The following NEK1 variants were observed in gnomAD, a reference collection of about 807,000 sequenced individuals.
The protein encoded by NEK1 is NIMA related kinase 1, also known as serine/threonine-protein kinase Nek1.
In NEK1, 137 loss-of-function variants were observed where a neutral mutation model predicts 182.1. The observed-to-expected ratio is 0.75, with a 90% CI of 0.65 to 0.87. The LOEUF is 0.87. NEK1 is among the 40% of genes least tolerant of loss of function. The pLI is 0.00. For missense variants in NEK1, 1,391 were observed against 1,494.4 expected, an observed-to-expected ratio of 0.93 and a Z score of 1.14; for synonymous variants, 513 against 492.2, an observed-to-expected ratio of 1.04 and a Z score of -0.56.
chr4:169,435,340 C>T (rs142240206), intron 28 of NEK1, among the ~76,000 whole-genome samples: 17 of 152,304 alleles, frequency 1.1e-4, no homozygotes, highest in African/African-American at 4.1e-4. Context: ...ACTCCACTTC[C>T]AATACCATTA....
intron 10 of NEK1, among the ~76,000 whole-genome samples, chr4:169,583,020 T>C (rs1344196977): frequency 6.6e-6 from 1 of 151,990 alleles, no homozygotes; most frequent in Non-Finnish European, 1.5e-5. Flanking sequence ...TCAACCACGG[T>C]TGATGGCCTT....
intron 23 of NEK1, among the ~76,000 whole-genome samples, chr4:169,499,417 C>T (rs1264386102): frequency 6.6e-6 from 1 of 152,242 alleles, no homozygotes; most frequent in Non-Finnish European, 1.5e-5. Context: ...AAGTCATTCT[C>T]TGTCCAGCTT....
chr4:169,562,119 A>T lies in NEK1; in HGVS notation c.1080+18T>A. The T allele has an allele frequency of 6.7e-7, 1 of 1,492,098 alleles. No homozygotes were observed. The highest frequency in any genetic ancestry group is 9.1e-7 in the Non-Finnish European group (1 of 1,102,124). 92.4% of individuals were successfully genotyped at this position (1,492,098 alleles called of 1,614,324 possible). ...ATGTTTGCAAAGCTTTAAAATAACC[A>T]GACAGATGTCTTTATACCTCAGATA... is the stretch of plus-strand genomic sequence containing the variant. On this transcript the variant is annotated intron_variant, in intron 13 of 35. Coordinates refer to ENST00000507142, the MANE Select transcript of NEK1 (RefSeq NM_001199397.3).
intron 18 of NEK1, among the ~76,000 whole-genome samples, chr4:169,539,149 T>C (rs1442470895): frequency 1.3e-5 from 2 of 152,144 alleles, no homozygotes; most frequent in African/African-American, 4.8e-5. Context: ...CTTAATCTAG[T>C]TTCACATCGC....
intron 33 of NEK1, 99 bp downstream of exon 33, chr4:169,401,553 A>T: frequency 1.1e-6 from 1 of 939,546 alleles, no homozygotes; most frequent in Non-Finnish European, 1.6e-6. Context: ...AGTTGTATTT[A>T]AAGTTGGAAA....
chr4:169,529,365 C>A lies in NEK1; in HGVS notation c.1665+8444G>T, dbSNP rs563013792. Among the ~76,000 whole-genome samples the A allele has an allele frequency of 2.6e-5, 4 of 152,142 alleles. No individual in the cohort carries two copies. In the East Asian group the frequency reaches 5.8e-4, roughly 22 times the overall value. On this transcript the variant is annotated intron_variant, in intron 19 of 35. Coordinates refer to ENST00000507142, the MANE Select transcript of NEK1 (RefSeq NM_001199397.3). ...TGTGAATGTACTTAATGCCACTGAA[C>A]TGTATACTTTAAAATGATTAAGGGA...
At chr4:169,536,996 A>T (rs1243574910) in intron 19 of NEK1, among the ~76,000 whole-genome samples, 2 of 152,222 alleles carry the variant, frequency 1.3e-5, no homozygotes, top group Non-Finnish European at 2.9e-5. Flanking sequence ...TACTATATTG[A>T]ACTACATTAA....
At chr4:169,511,173 G>C (rs1195956669) in intron 19 of NEK1, among the ~76,000 whole-genome samples, 1 of 152,072 alleles carries the variant, frequency 6.6e-6, no homozygotes, top group Non-Finnish European at 1.5e-5. Context: ...TACTGTAAGA[G>C]CATGCCCTAC....
At chr4:169,594,736 T>C (rs1338788585) in intron 5 of NEK1, among the ~76,000 whole-genome samples, 1 of 152,228 alleles carries the variant, frequency 6.6e-6, no homozygotes, top group African/African-American at 2.4e-5. Flanking sequence ...CTATACAACA[T>C]GCCTGGGAAG....
chr4:169,559,130 T>G (rs1762547915), intron 16 of NEK1, among the ~76,000 whole-genome samples: 1 of 152,200 alleles, frequency 6.6e-6, no homozygotes. Context: ...GTACACAGTA[T>G]GTAACTTGAA....
intron 29 of NEK1, among the ~76,000 whole-genome samples, chr4:169,428,796 A>G (rs888156605): frequency 3.3e-5 from 5 of 152,114 alleles, no homozygotes; most frequent in African/African-American, 1.2e-4. Flanking sequence ...CTTTCCTATT[A>G]TTAGTTTGGT....
intron 23 of NEK1, among the ~76,000 whole-genome samples, chr4:169,484,318 T>C (rs1748660543): frequency 6.6e-6 from 1 of 152,222 alleles, no homozygotes. Flanking sequence ...AGTGCTGGGA[T>C]TACAGGCGTG....
rs1737860339 is a variant in NEK1, at chr4:169,433,727, T to A, written c.2765-62A>T. The A allele has an allele frequency of 3.3e-6, 5 of 1,503,922 alleles. No individual in the cohort carries two copies. The South Asian group carries it at 6.0e-5, about 18-fold the overall frequency. 93.2% of individuals were successfully genotyped at this position (1,503,922 alleles called of 1,614,324 possible). A position where few individuals can be genotyped will look rare whatever the true frequency, so the allele number is the denominator to read the frequency against. Reference sequence around the variant, plus strand: ...CAAAATTTGTCAAGAGAATATTGAATAAACTTGCTATAAATTATTGCTACC... The same window carrying A: ...CAAAATTTGTCAAGAGAATATTGAAAAAACTTGCTATAAATTATTGCTACC... On this transcript the variant is annotated intron_variant, in intron 28 of 35. Coordinates refer to ENST00000507142, the MANE Select transcript of NEK1 (RefSeq NM_001199397.3).
chr4:169,432,760 C>T (rs1424282221), intron 29 of NEK1, among the ~76,000 whole-genome samples: 1 of 152,010 alleles, frequency 6.6e-6, no homozygotes, highest in Non-Finnish European at 1.5e-5. Context: ...TACTGCATAT[C>T]ATCATACTTT....
At chr4:169,514,708 T>A (rs1016387348) in intron 19 of NEK1, among the ~76,000 whole-genome samples, 18 of 152,218 alleles carry the variant, frequency 1.2e-4, no homozygotes, top group Non-Finnish European at 2.2e-4. Flanking sequence ...ATACCCATTT[T>A]TTTCTGATAT....
intron 7 of NEK1, 83 bp from the exon 8 acceptor site, chr4:169,588,818 G>A (rs768224955): frequency 3.4e-5 from 28 of 823,246 alleles, no homozygotes; most frequent in Non-Finnish European, 5.3e-5. Context: ...ACAGCAGATC[G>A]CATATATGAT....
Position 169,488,152 on chromosome 4 carries a change from T to G in NEK1, c.2008-8618A>C, listed in dbSNP as rs1172076489. ...TGTTCACTCTGATGACAGTTTCTTT[T>G]GCTGTGCAAAAGCTCTTTAGTTAAT... On this transcript the variant is annotated intron_variant, in intron 23 of 35. Transcript: ENST00000507142. 2.6e-5 allele frequency among the ~76,000 whole-genome samples: 4 copies of G among 152,226 alleles called. No homozygotes were observed. The East Asian group carries it at 7.7e-4, about 29-fold the overall frequency.
chr4:169,471,594 C>A (rs1317247132), intron 26 of NEK1, among the ~76,000 whole-genome samples: 2 of 152,132 alleles, frequency 1.3e-5, no homozygotes, highest in Non-Finnish European at 2.9e-5. Flanking sequence ...AGTCAGGAGG[C>A]ACGGGGGTCA....
In NEK1 at chr4:169,505,077, C is replaced by T. The variant is rs529968958; in HGVS notation, c.2007+1960G>A. 1.2e-4 allele frequency among the ~76,000 whole-genome samples: 18 copies of T among 151,864 alleles called. No individual in the cohort carries two copies. In the South Asian group the frequency reaches 2.7e-3, roughly 23 times the overall value. ...CACAACTTACAGAAAACAGGGGAAA[C>T]AGCGTAAGAAAAAGACTTCAACATT... On this transcript the variant is annotated intron_variant, in intron 23 of 35. Transcript: ENST00000507142.
Sources: allele counts gnomAD v4.1 joint callset (sites outside exome capture counted in the v4.1 genomes callset), GRCh38; gene constraint gnomAD v4.1.1; transcripts MANE v1.5; gene names NCBI Gene and HGNC (gene_info 2026-07-23, HGNC 2026-07-21).